The following SNTB1 variants were observed in gnomAD, a reference collection of about 807,000 sequenced individuals.
SNTB1 encodes syntrophin beta 1, also known as beta-1-syntrophin.
A neutral mutation model predicts 48.9 loss-of-function variants in SNTB1; 36 were observed. The observed-to-expected ratio is 0.74, with a 90% CI of 0.56 to 0.97. SNTB1 has a LOEUF of 0.97. Among genes scored for constraint, SNTB1 ranks in the 50% least tolerant of loss-of-function variants. SNTB1 has a pLI of 0.00. For synonymous variants in SNTB1, 299 were observed against 294.6 expected, an observed-to-expected ratio of 1.01 and a Z score of -0.15; for missense variants, 786 against 703.4, an observed-to-expected ratio of 1.12 and a Z score of -1.33.
At chr8:120,714,498 G>A (rs1388648946) in intron 1 of SNTB1, among the ~76,000 whole-genome samples, 1 of 148,900 alleles carries the variant, frequency 6.7e-6, no homozygotes, top group Non-Finnish European at 1.5e-5. Context: ...TTTTTTTTCT[G>A]GCAAAAACAT....
At chr8:120,797,583 C>G (rs1384102659) in intron 1 of SNTB1, among the ~76,000 whole-genome samples, 3 of 104,250 alleles carry the variant, frequency 2.9e-5, no homozygotes, top group Non-Finnish European at 5.3e-5. Context: ...TGTCCAAATC[C>G]TTCTATGTGA....
chr8:120,794,906 C>T (rs1313222721), intron 1 of SNTB1, among the ~76,000 whole-genome samples: 2 of 152,012 alleles, frequency 1.3e-5, no homozygotes, highest in African/African-American at 4.8e-5. Flanking sequence ...CATTTTAAAA[C>T]CATCTACTTT....
At chr8:120,756,817 C>T (rs746567694) in intron 1 of SNTB1, among the ~76,000 whole-genome samples, 3 of 152,086 alleles carry the variant, frequency 2.0e-5, no homozygotes, top group Non-Finnish European at 4.4e-5. Context: ...CTGCTACATT[C>T]CCAGTGGCCT....
intron 1 of SNTB1, among the ~76,000 whole-genome samples, chr8:120,800,270 A>G (rs577083912): frequency 6.6e-6 from 1 of 152,228 alleles, no homozygotes; most frequent in South Asian, 2.1e-4. Context: ...CTAGACAATT[A>G]GTGATTTAAT....
At chr8:120,673,233 C>A (rs769683990) in intron 2 of SNTB1, among the ~76,000 whole-genome samples, 4 of 152,026 alleles carry the variant, frequency 2.6e-5, no homozygotes, top group African/African-American at 9.7e-5. Context: ...CTAAAATGCC[C>A]CAAAGTAGTC....
intron 1 of SNTB1, among the ~76,000 whole-genome samples, chr8:120,704,605 C>T (rs1413955778): frequency 6.6e-6 from 1 of 152,108 alleles, no homozygotes; most frequent in Non-Finnish European, 1.5e-5. Flanking sequence ...AGATCTTGCT[C>T]ATTTGACATC....
chr8:120,543,843 CCTT>C (rs1464554330), intron 5 of SNTB1, among the ~76,000 whole-genome samples: 1 of 152,190 alleles, frequency 6.6e-6, no homozygotes, highest in African/African-American at 2.4e-5. Flanking sequence ...GTCTATAACT[CCTT>C]CTGCGCACAG....
intron 3 of SNTB1, among the ~76,000 whole-genome samples, chr8:120,622,895 T>G (rs1816815494): frequency 6.6e-6 from 1 of 152,222 alleles, no homozygotes; most frequent in South Asian, 2.1e-4. Flanking sequence ...AACCTTTTCC[T>G]TCTCTAGAGA....
rs893936269 is a variant in SNTB1, at chr8:120,693,584, A to G, written c.788+108T>C. The G allele has an allele frequency of 6.9e-6, 6 of 875,494 alleles. No homozygotes were observed. The African/African-American group carries it at 1.0e-4, about 15-fold the overall frequency. The allele number at this position is 875,494 out of a possible 1,614,324, so 54.2% of individuals were successfully genotyped here. On this transcript the variant is annotated intron_variant, in intron 2 of 6. Transcript: ENST00000517992. ...ATGGCCCTTTCATGCTTTTCTTTGG[A>G]AGCCATGATGTGTTTTCAGAACATG...
Position 120,536,961 on chromosome 8 carries a change from T to C in SNTB1, c.*1916A>G, listed in dbSNP as rs926967309. The C allele has an allele frequency of 6.6e-6, 1 of 152,082 alleles. No individual in the cohort carries two copies. Among genetic ancestry groups the C allele is most frequent in the East Asian group, 1.9e-4 (1 of 5,204 alleles). The allele number at this position is 152,082 out of a possible 1,614,324, so 9.4% of individuals were successfully genotyped here. A position where few individuals can be genotyped will look rare whatever the true frequency, so the allele number is the denominator to read the frequency against. On this transcript the variant is annotated 3_prime_UTR_variant, in exon 7 of 7. Transcript: ENST00000517992. The stretch of plus-strand genomic sequence containing the variant: ...ATATGTTATTTACAATACACAATTA[T>C]AATTCTCTTGTATAACAACATTCCA...
chr8:120,609,729 C>T (rs962156350), intron 3 of SNTB1, among the ~76,000 whole-genome samples: 3 of 152,182 alleles, frequency 2.0e-5, no homozygotes, highest in African/African-American at 7.2e-5. Flanking sequence ...CTGTGTCAAA[C>T]CTCTCTTTCT....
At chr8:120,659,336 C>A (rs946324225) in intron 2 of SNTB1, among the ~76,000 whole-genome samples, 2 of 152,128 alleles carry the variant, frequency 1.3e-5, no homozygotes, top group Non-Finnish European at 2.9e-5. Flanking sequence ...GAATAGATTC[C>A]ATCTCAAGAA....
intron 3 of SNTB1, among the ~76,000 whole-genome samples, chr8:120,628,204 G>T (rs1021317368): frequency 1.3e-5 from 2 of 152,148 alleles, no homozygotes; most frequent in African/African-American, 2.4e-5. Flanking sequence ...CAAAGGGAAT[G>T]CCTGATGAAC....
At chr8:120,711,942 A>C (rs555119431) in intron 1 of SNTB1, among the ~76,000 whole-genome samples, 33 of 152,302 alleles carry the variant, frequency 2.2e-4, no homozygotes, top group Non-Finnish European at 4.3e-4. Flanking sequence ...TGCTTTAAGA[A>C]AGTCCACCCA....
chr8:120,555,749 G>A (rs893435491), intron 4 of SNTB1, among the ~76,000 whole-genome samples: 2 of 152,112 alleles, frequency 1.3e-5, no homozygotes, highest in Non-Finnish European at 2.9e-5. Flanking sequence ...CTACAAGGAG[G>A]TAATAAAGGT....
intron 2 of SNTB1, among the ~76,000 whole-genome samples, chr8:120,656,556 A>G (rs989657258): frequency 3.3e-5 from 5 of 152,244 alleles, no homozygotes; most frequent in African/African-American, 4.8e-5. Flanking sequence ...GCTGATTTAA[A>G]AAAATAATAA....
intron 1 of SNTB1, among the ~76,000 whole-genome samples, chr8:120,711,739 C>T (rs1818467529): frequency 6.6e-6 from 1 of 152,144 alleles, no homozygotes; most frequent in Non-Finnish European, 1.5e-5. Flanking sequence ...CAAGCAGGCT[C>T]TGAGGACCCT....
chr8:120,758,819 G>A (rs996090073), intron 1 of SNTB1, among the ~76,000 whole-genome samples: 2 of 152,142 alleles, frequency 1.3e-5, no homozygotes, highest in Non-Finnish European at 2.9e-5. Flanking sequence ...CTGGACCTCA[G>A]GGAAGTTGTG....
chr8:120,726,540 G>A (rs188615553), intron 1 of SNTB1, among the ~76,000 whole-genome samples: 1 of 152,186 alleles, frequency 6.6e-6, no homozygotes, highest in Admixed American at 6.5e-5. Flanking sequence ...GATGAATGTG[G>A]ACATTTTGAA....
Sources: allele counts gnomAD v4.1 joint callset (sites outside exome capture counted in the v4.1 genomes callset), GRCh38; gene constraint gnomAD v4.1.1; transcripts MANE v1.5; gene names NCBI Gene and HGNC (gene_info 2026-07-23, HGNC 2026-07-21).